Variants in STX8 observed in about 807,000 individuals in gnomAD.
STX8 encodes syntaxin-8.
STX8 carries 23 observed loss-of-function variants against 37.5 expected under a neutral mutation model. The ratio of observed to expected loss-of-function variants is 0.61; its 90% CI spans 0.44 to 0.87. The LOEUF is 0.87. STX8 is among the 40% of genes least tolerant of loss of function. STX8 has a pLI of 0.00. For synonymous variants in STX8, 115 were observed against 99.1 expected, an observed-to-expected ratio of 1.16 and a Z score of -0.95; for missense variants, 313 against 284.7, an observed-to-expected ratio of 1.10 and a Z score of -0.71.
chr17:9,393,434 GATAA>G (rs1226532102), intron 6 of STX8, among the ~76,000 whole-genome samples: 1 of 152,186 alleles, frequency 6.6e-6, no homozygotes, highest in Non-Finnish European at 1.5e-5. Context: ...TAAACATTTG[GATAA>G]ATATTCTCCA....
intron 4 of STX8, among the ~76,000 whole-genome samples, chr17:9,514,095 G>T (rs1463166366): frequency 6.6e-6 from 1 of 152,174 alleles, no homozygotes; most frequent in African/African-American, 2.4e-5. Flanking sequence ...GGAGGAATAA[G>T]TTTGAGTGTT....
intron 7 of STX8, among the ~76,000 whole-genome samples, chr17:9,303,957 A>G (rs1014565954): frequency 6.6e-6 from 1 of 152,174 alleles, no homozygotes; most frequent in Non-Finnish European, 1.5e-5. Flanking sequence ...CCTAAAAATT[A>G]GAAACTTTTC....
At chr17:9,494,013 T>TTG (rs2047207614) in intron 5 of STX8, among the ~76,000 whole-genome samples, 6 of 151,470 alleles carry the variant, frequency 4.0e-5, no homozygotes, top group Non-Finnish European at 7.4e-5. Context: ...GTTTTGTTTT[T>TTG]TTGTTGTTGT....
Position 9,500,937 on chromosome 17 carries a change from A to G in STX8, c.448+4101T>C, listed in dbSNP as rs529682378. ...GAAGAATGTCGTGAACCCAGGAGGC[A>G]GAGCTTGCAGGGAGCCAAGATCTCG... On this transcript the variant is annotated intron_variant, in intron 5 of 7. Coordinates refer to ENST00000306357, the MANE Select transcript of STX8 (RefSeq NM_004853.3). Among the ~76,000 whole-genome samples the G allele has an allele frequency of 1.1e-4, 16 of 152,288 alleles. 1 individual carries two copies. The highest frequency in any genetic ancestry group is 5.2e-4 in the Admixed American group (8 of 15,298).
rs61665330 is a variant in STX8, at chr17:9,527,185, C to CAAAAAAAAAAAAAAAAAAA, written c.323+17986_323+17987insTTTTTTTTTTTTTTTTTTT. On this transcript the variant is annotated intron_variant, in intron 4 of 7. Transcript: ENST00000306357. Reference sequence around the variant, plus strand: ...TGGGCGACAGAGCGAGACTCCGTCTCAAAAAAAAAAAAAAAAAAGAGGCTG... The same window carrying CAAAAAAAAAAAAAAAAAAA: ...TGGGCGACAGAGCGAGACTCCGTCTCAAAAAAAAAAAAAAAAAAAAAAAAAAAAAAAAAAAAAGAGGCTG... Among the ~76,000 whole-genome samples, 3 of 49,634 alleles carry CAAAAAAAAAAAAAAAAAAA rather than the reference C, an allele frequency of 6.0e-5. 1 individual carries two copies. The highest frequency in any genetic ancestry group is 6.3e-5 in the Non-Finnish European group (2 of 31,626). 32.6% of individuals were successfully genotyped at this position (49,634 alleles called of 152,430 possible). A position where few individuals can be genotyped will look rare whatever the true frequency, so the allele number is the denominator to read the frequency against.
intron 4 of STX8, among the ~76,000 whole-genome samples, chr17:9,509,838 TAAAA>T (rs35517248): frequency 6.9e-6 from 1 of 144,620 alleles, no homozygotes. Flanking sequence ...ATAACTAGAT[TAAAA>T]AAAAAAAAAC....
At chr17:9,291,114 A>C (rs906577855) in intron 7 of STX8, among the ~76,000 whole-genome samples, 4 of 152,188 alleles carry the variant, frequency 2.6e-5, no homozygotes, top group African/African-American at 9.7e-5. Flanking sequence ...TCAATTACTG[A>C]GATTAAATAT....
intron 7 of STX8, among the ~76,000 whole-genome samples, chr17:9,260,855 C>T (rs534007295): frequency 7.2e-5 from 11 of 152,160 alleles, no homozygotes; most frequent in Non-Finnish European, 4.4e-5. Flanking sequence ...TGCCCAGCAC[C>T]GGGCTGATGA....
chr17:9,473,423 T>C (rs556983375), intron 6 of STX8, among the ~76,000 whole-genome samples: 1 of 152,250 alleles, frequency 6.6e-6, no homozygotes, highest in South Asian at 2.1e-4. Context: ...GCGGGATTGG[T>C]TCCAGGACCA....
In STX8 at chr17:9,268,983, C is replaced by T. The variant is rs192446765; in HGVS notation, c.644-18338G>A. On this transcript the variant is annotated intron_variant, in intron 7 of 7. Coordinates refer to ENST00000306357, the MANE Select transcript of STX8 (RefSeq NM_004853.3). Reference sequence around the variant, plus strand: ...CGGGCGGATCATGAAGTCAGCAGATCGAGACCATCCTGGCTAAAACGGTGA... The same window carrying T: ...CGGGCGGATCATGAAGTCAGCAGATTGAGACCATCCTGGCTAAAACGGTGA... Among the ~76,000 whole-genome samples, 118 of 152,102 alleles carry T rather than the reference C, an allele frequency of 7.8e-4. 2 individuals are homozygous for T. Among genetic ancestry groups the T allele is most frequent in the Middle Eastern group, 6.8e-3 (2 of 294 alleles).
At chr17:9,412,834 G>C (rs779584818) in intron 6 of STX8, among the ~76,000 whole-genome samples, 5 of 152,188 alleles carry the variant, frequency 3.3e-5, no homozygotes, top group Non-Finnish European at 7.3e-5. Context: ...TCTGATAGAA[G>C]ATGATAAAAA....
chr17:9,547,276 AAC>A (rs1278876201), intron 3 of STX8: 6 of 151,280 alleles, frequency 4.0e-5, no homozygotes, highest in Non-Finnish European at 7.4e-5. Context: ...AGAAAAAAGA[AAC>A]ACAGTAAAGG....
intron 3 of STX8, among the ~76,000 whole-genome samples, chr17:9,548,109 T>C (rs1906620310): frequency 6.7e-6 from 1 of 149,470 alleles, no homozygotes; most frequent in South Asian, 2.1e-4. Context: ...TCTTTATTAT[T>C]ATTATTATTT....
chr17:9,358,963 C>T (rs1187282220), intron 7 of STX8, among the ~76,000 whole-genome samples: 3 of 152,044 alleles, frequency 2.0e-5, no homozygotes, highest in Non-Finnish European at 4.4e-5. Flanking sequence ...TAGTCCCCAG[C>T]CCCTTGGGGG....
chr17:9,541,601 A>G (rs1339030882), intron 4 of STX8, among the ~76,000 whole-genome samples: 3 of 152,230 alleles, frequency 2.0e-5, no homozygotes, highest in African/African-American at 7.2e-5. Context: ...CAAAGCCCAC[A>G]TGACTGACAG....
chr17:9,272,825 A>T (rs560317147), intron 7 of STX8, among the ~76,000 whole-genome samples: 6 of 152,218 alleles, frequency 3.9e-5, no homozygotes, highest in Non-Finnish European at 8.8e-5. Context: ...TTATTGACAC[A>T]CTAAAATATC....
chr17:9,322,516 G>A (rs995769286), intron 7 of STX8, among the ~76,000 whole-genome samples: 1 of 152,140 alleles, frequency 6.6e-6, no homozygotes, highest in Non-Finnish European at 1.5e-5. Flanking sequence ...CCCAGGGGGT[G>A]GGACCAGAGC....
intron 7 of STX8, among the ~76,000 whole-genome samples, chr17:9,330,652 C>T (rs774958519): frequency 6.6e-6 from 1 of 152,230 alleles, no homozygotes; most frequent in African/African-American, 2.4e-5. Flanking sequence ...CGTGGGTTCA[C>T]GTTTACGAAC....
At chr17:9,422,279 A>AT (rs1294435914) in intron 6 of STX8, among the ~76,000 whole-genome samples, 2 of 151,734 alleles carry the variant, frequency 1.3e-5, no homozygotes, top group Non-Finnish European at 2.9e-5. Flanking sequence ...TAATTTTTGT[A>AT]TTTTTTTAGT....
Sources: gnomAD v4.1 joint callset for allele counts (sites outside exome capture counted in the v4.1 genomes callset) on GRCh38, gnomAD v4.1.1 for gene constraint, MANE v1.5 for transcripts, NCBI Gene and HGNC (gene_info 2026-07-23, HGNC 2026-07-21) for gene names.